The following SPATA22 variants were observed in gnomAD, a reference collection of about 807,000 sequenced individuals.
SPATA22 encodes spermatogenesis-associated protein 22.
A neutral mutation model predicts 47.8 loss-of-function variants in SPATA22; 29 were observed. The ratio of observed to expected loss-of-function variants is 0.61; its 90% confidence interval spans 0.45 to 0.83. The LOEUF is 0.83. Ranked by LOEUF, SPATA22 falls within the 40% of genes least tolerant of loss-of-function variation. The pLI, the probability that SPATA22 is intolerant of heterozygous loss-of-function variation, is 0.00. For synonymous variants in SPATA22, 133 were observed against 140.9 expected, an observed-to-expected ratio of 0.94 and a Z score of 0.40; for missense variants, 410 against 421.7, an observed-to-expected ratio of 0.97 and a Z score of 0.24.
At chr17:3,492,168 C>T (rs909330471) in intron 1 of SPATA22, among the ~76,000 whole-genome samples, 4 of 152,144 alleles carry the variant, frequency 2.6e-5, no homozygotes, top group East Asian at 3.9e-4. Context: ...TGCGCCATTG[C>T]GCCTGGCGAG....
chr17:3,449,998 G>A (rs1376797992), intron 5 of SPATA22, among the ~76,000 whole-genome samples: 2 of 152,054 alleles, frequency 1.3e-5, no homozygotes, highest in East Asian at 1.9e-4. Context: ...AACTACAGGT[G>A]AGTGCCACTA....
upstream of SPATA22, chr17:3,472,189 G>C (rs2073452261): frequency 6.6e-6 from 1 of 152,378 alleles, no homozygotes; most frequent in Admixed American, 6.5e-5. Flanking sequence ...GGCCACCCGA[G>C]GTGTCTGGCT....
intron 5 of SPATA22, among the ~76,000 whole-genome samples, chr17:3,452,249 A>C (rs577572968): frequency 6.6e-6 from 1 of 151,724 alleles, no homozygotes; most frequent in East Asian, 1.9e-4. Context: ...TATAAAGGCA[A>C]TAATAAGACT....
intron 3 of SPATA22, among the ~76,000 whole-genome samples, chr17:3,465,181 G>T: frequency 7.2e-6 from 1 of 139,570 alleles, no homozygotes; most frequent in South Asian, 2.4e-4. Flanking sequence ...CGCCCGGCCA[G>T]CCGCCTCGTC....
At chr17:3,443,808 C>T (rs1189110849) in intron 7 of SPATA22, among the ~76,000 whole-genome samples, 1 of 151,466 alleles carries the variant, frequency 6.6e-6, no homozygotes, top group Non-Finnish European at 1.5e-5. Context: ...TTTCATATAC[C>T]TATATATAGT....
intron 3 of SPATA22, among the ~76,000 whole-genome samples, chr17:3,464,602 C>T (rs1235584900): frequency 2.1e-5 from 3 of 144,708 alleles, no homozygotes; most frequent in African/African-American, 7.6e-5. Context: ...CGCCCATCGT[C>T]TGAGATGTGG....
intron 1 of SPATA22, among the ~76,000 whole-genome samples, chr17:3,470,313 G>A (rs1007563495): frequency 6.6e-6 from 1 of 152,136 alleles, no homozygotes; most frequent in African/African-American, 2.4e-5. Flanking sequence ...ACTGCAAGAA[G>A]AGGCAAGATA....
At chr17:3,445,979 T>C (rs755219612) in intron 7 of SPATA22, among the ~76,000 whole-genome samples, 1 of 152,130 alleles carries the variant, frequency 6.6e-6, no homozygotes, top group Non-Finnish European at 1.5e-5. Flanking sequence ...ATGTTCCTTT[T>C]GGAGGCTCTA....
At chr17:3,457,346 CA>C (rs1247101793) in intron 5 of SPATA22, among the ~76,000 whole-genome samples, 1 of 152,048 alleles carries the variant, frequency 6.6e-6, no homozygotes, top group African/African-American at 2.4e-5. Flanking sequence ...GCAACTTCAG[CA>C]AAGTCTCAGG....
At chr17:3,483,970 T>C (rs768948382) in intron 1 of SPATA22, among the ~76,000 whole-genome samples, 2 of 152,132 alleles carry the variant, frequency 1.3e-5, no homozygotes, top group African/African-American at 2.4e-5. Context: ...AAATTATTTT[T>C]AAAAAAACAT....
rs192580501 is a variant in SPATA22 at position 3,484,918 on chromosome 17, C to A, written c.-73-15520G>T. Among the ~76,000 whole-genome samples, 363 of 152,308 alleles carry A rather than the reference C, an allele frequency of 2.4e-3. 2 individuals are homozygous for A. The highest frequency in any genetic ancestry group is 8.5e-3 in the African/African-American group (353 of 41,558). ...TATCTTAGCACTCTCTGTTCCCTAT[C>A]CCCTTCTGCAGGCTGATAATGTATG... On this transcript the variant is annotated intron_variant, in intron 1 of 8. Transcript: ENST00000541913.
chr17:3,446,914 T>G (rs2072738679), intron 6 of SPATA22, among the ~76,000 whole-genome samples: 2 of 152,172 alleles, frequency 1.3e-5, no homozygotes, highest in Non-Finnish European at 2.9e-5. Flanking sequence ...GGCCATTCCT[T>G]TCCCTAGTGC....
chr17:3,447,702 G>A (rs2072758784), intron 6 of SPATA22, among the ~76,000 whole-genome samples: 1 of 152,146 alleles, frequency 6.6e-6, no homozygotes, highest in Non-Finnish European at 1.5e-5. Context: ...AGGACAAGAG[G>A]AGAAAATAAA....
At chr17:3,467,319 G>C in intron 3 of SPATA22, 107 bp downstream of exon 3, 5 of 946,816 alleles carry the variant, frequency 5.3e-6, no homozygotes, top group Non-Finnish European at 6.1e-6. Flanking sequence ...GTGGATAATG[G>C]AAAGAAGAAA....
At chr17:3,463,450 A>G (rs1293662065) in intron 3 of SPATA22, among the ~76,000 whole-genome samples, 1 of 152,200 alleles carries the variant, frequency 6.6e-6, no homozygotes, top group Non-Finnish European at 1.5e-5. Context: ...GTATCTAAAC[A>G]TATCTAAACA....
chr17:3,449,282 C>A (rs2072803376), intron 5 of SPATA22, 133 bp from the exon 6 acceptor site: 2 of 627,648 alleles, frequency 3.2e-6, no homozygotes, highest in Non-Finnish European at 5.4e-6. Context: ...CTGAGAAATT[C>A]CAAATACATC....
At chr17:3,457,386 T>C (rs559880046) in intron 5 of SPATA22, among the ~76,000 whole-genome samples, 32 of 152,268 alleles carry the variant, frequency 2.1e-4, no homozygotes, top group Admixed American at 1.8e-3. Context: ...AGAATTGATA[T>C]TGTTAAATGT....
chr17:3,447,821 C>T (rs1036421374), intron 6 of SPATA22, among the ~76,000 whole-genome samples: 1 of 152,136 alleles, frequency 6.6e-6, no homozygotes, highest in Non-Finnish European at 1.5e-5. Context: ...AAAACCCAAC[C>T]TTTCCTCCCA....
At chr17:3,467,952 A>G (rs2073351511) in intron 2 of SPATA22, among the ~76,000 whole-genome samples, 1 of 152,124 alleles carries the variant, frequency 6.6e-6, no homozygotes, top group South Asian at 2.1e-4. Context: ...CATGCTTTGG[A>G]CAATAGTGGC....
Sources: allele counts gnomAD v4.1 joint callset (sites outside exome capture counted in the v4.1 genomes callset), GRCh38; gene constraint gnomAD v4.1.1; transcripts MANE v1.5; gene names NCBI Gene and HGNC (gene_info 2026-07-23, HGNC 2026-07-21).